CAST: variants seen among roughly 807,000 people sequenced by gnomAD.
CAST encodes the protein MIR583 host.
In CAST, 76 loss-of-function variants were observed where a neutral mutation model predicts 119.6. The ratio of observed to expected loss-of-function variants is 0.64; its 90% CI spans 0.53 to 0.77. The LOEUF (loss-of-function observed/expected upper bound fraction) is 0.77, where lower values mean the gene tolerates loss of function less well. CAST is among the 30% of genes least tolerant of loss of function. The probability of loss-of-function intolerance (pLI) is 0.00; values close to 1 mark genes in which losing one functional copy is unlikely to be tolerated. For missense variants in CAST, 953 were observed against 946.5 expected, an observed-to-expected ratio of 1.01 and a Z score of -0.09; for synonymous variants, 319 against 331.6, an observed-to-expected ratio of 0.96 and a Z score of 0.41.
intron 2 of CAST, among the ~76,000 whole-genome samples, chr5:96,691,073 A>G (rs1752673996): frequency 6.6e-6 from 1 of 152,212 alleles, no homozygotes; most frequent in South Asian, 2.1e-4. Flanking sequence ...TCATATAGAA[A>G]ACTAAATGTC....
At chr5:96,708,272 A>G (rs1479735001) in intron 3 of CAST, among the ~76,000 whole-genome samples, 1 of 151,924 alleles carries the variant, frequency 6.6e-6, no homozygotes, top group African/African-American at 2.4e-5. Context: ...CAGCATTTTT[A>G]TTTTTCAGGA....
chr5:96,017,870 G>A, the CAST span, among the ~76,000 whole-genome samples: 1 of 152,012 alleles, frequency 6.6e-6, no homozygotes, highest in Non-Finnish European at 1.5e-5. Flanking sequence ...TTCTTCTAAG[G>A]TTACAAAAAT....
At chr5:95,985,453 C>A in the CAST span, among the ~76,000 whole-genome samples, 1 of 152,154 alleles carries the variant, frequency 6.6e-6, no homozygotes, top group Non-Finnish European at 1.5e-5. Flanking sequence ...CCCTTACTTT[C>A]CAGAAGGGGG....
the CAST span, among the ~76,000 whole-genome samples, chr5:96,156,914 C>T: frequency 1.3e-5 from 2 of 152,120 alleles, no homozygotes; most frequent in African/African-American, 2.4e-5. Flanking sequence ...ACTCCTCTAT[C>T]CATAAAAATT....
At chr5:96,308,347 A>G in the CAST span, among the ~76,000 whole-genome samples, 1 of 151,904 alleles carries the variant, frequency 6.6e-6, no homozygotes, top group Admixed American at 6.6e-5. Context: ...CTAGTTAGCA[A>G]TACATCTAAC....
chr5:96,555,638 A>T (rs982155825), intron 1 of CAST, among the ~76,000 whole-genome samples: 6 of 152,190 alleles, frequency 3.9e-5, no homozygotes, highest in Admixed American at 3.9e-4. Flanking sequence ...CTAGCATAGC[A>T]GTCTGAGATC....
At chr5:96,612,099 T>C (rs1019591138) in intron 1 of CAST, among the ~76,000 whole-genome samples, 1 of 152,134 alleles carries the variant, frequency 6.6e-6, no homozygotes, top group Non-Finnish European at 1.5e-5. Context: ...CATGTGTCTA[T>C]CCGAAGGAAA....
At chr5:96,662,905 G>C (rs1748757853) in intron 1 of CAST, 1 of 577,726 alleles carries the variant, frequency 1.7e-6, no homozygotes, top group Non-Finnish European at 3.0e-6. Flanking sequence ...TGGAGACGCA[G>C]AGCCTCTTCC....
At chr5:96,385,006 A>T in the CAST span, among the ~76,000 whole-genome samples, 10 of 152,220 alleles carry the variant, frequency 6.6e-5, no homozygotes, top group Non-Finnish European at 1.3e-4. Flanking sequence ...GAAACTTTTT[A>T]AAAAGAAGAC....
intron 27 of CAST, among the ~76,000 whole-genome samples, chr5:96,766,633 C>T (rs1404834161): frequency 6.6e-6 from 1 of 152,206 alleles, no homozygotes; most frequent in African/African-American, 2.4e-5. Flanking sequence ...TTCCCAATCA[C>T]AAATCCTGTT....
rs373793794 is a variant in CAST at position 96,576,988 on chromosome 5, G to A, written c.60+47108G>A. On this transcript the variant is annotated intron_variant, in intron 1 of 11. Coordinates refer to the CAST transcript ENST00000505143. ...TTCCCTAATGCTCTTCCCATCCTTCGCCCTCCCACAACAGGCCCCAGTGTG... is the reference window on the plus strand; with the variant it reads ...TTCCCTAATGCTCTTCCCATCCTTCACCCTCCCACAACAGGCCCCAGTGTG... 1.3e-4 allele frequency among the ~76,000 whole-genome samples: 20 copies of A among 151,998 alleles called. No individual in the cohort carries two copies. The East Asian group carries it at 1.7e-3, about 13-fold the overall frequency.
the CAST span, among the ~76,000 whole-genome samples, chr5:96,409,963 T>C: frequency 6.6e-6 from 1 of 152,216 alleles, no homozygotes; most frequent in African/African-American, 2.4e-5. Flanking sequence ...AAGGTCATTA[T>C]TATAGGGTTC....
chr5:96,606,039 C>T (rs1018735639), intron 1 of CAST, among the ~76,000 whole-genome samples: 6 of 152,198 alleles, frequency 3.9e-5, no homozygotes, highest in Non-Finnish European at 7.3e-5. Flanking sequence ...TCTGCCACTC[C>T]TTTGGGTCAA....
the CAST span, among the ~76,000 whole-genome samples, chr5:96,123,418 C>A: frequency 1.3e-5 from 2 of 152,100 alleles, no homozygotes; most frequent in Non-Finnish European, 2.9e-5. Context: ...AAAAAATTGT[C>A]TTCCTGAAGG....
At chr5:95,963,725 C>CTCTTTTTTTTTTTTTT in the CAST span, among the ~76,000 whole-genome samples, 1 of 129,992 alleles carries the variant, frequency 7.7e-6, no homozygotes, top group African/African-American at 3.0e-5. Context: ...TTCTCTCTCT[C>CTCTTTTTTTTTTTTTT]TTTTTTTTTT....
chr5:96,575,164 GGAGGAA>G, intron 1 of CAST, among the ~76,000 whole-genome samples: 1 of 151,678 alleles, frequency 6.6e-6, no homozygotes, highest in South Asian at 2.1e-4. Flanking sequence ...TTTAATTTTT[GGAGGAA>G]TTGCAATGGT....
chr5:96,420,664 T>C, the CAST span, among the ~76,000 whole-genome samples: 3,713 of 148,480 alleles, frequency 0.025, 150 homozygotes, highest in African/African-American at 0.088. Context: ...GAGGGAAGAC[T>C]ATCCAAAGAA....
the CAST span, chr5:96,416,207 T>C: frequency 1.1e-6 from 1 of 914,060 alleles, no homozygotes. Context: ...GGCATAGGTA[T>C]ATTAACTTTT....
intron 25 of CAST, among the ~76,000 whole-genome samples, chr5:96,763,808 C>T (rs1468497794): frequency 6.6e-6 from 1 of 152,152 alleles, no homozygotes; most frequent in Non-Finnish European, 1.5e-5. Flanking sequence ...AATAAAATCA[C>T]TCCAACAGGA....
Sources: allele counts gnomAD v4.1 joint callset (sites outside exome capture counted in the v4.1 genomes callset), GRCh38; gene constraint gnomAD v4.1.1; transcripts MANE v1.5; gene names NCBI Gene and HGNC (gene_info 2026-07-23, HGNC 2026-07-21).